ERC1: variants seen among roughly 807,000 people sequenced by gnomAD.
The protein encoded by ERC1 is RAB6 interacting protein 2.
Under a neutral mutation model 132.0 loss-of-function variants are expected in ERC1, and 56 were observed. The ratio of observed to expected loss-of-function variants is 0.42; its 90% confidence interval spans 0.34 to 0.53. The LOEUF is 0.53. Ranked by LOEUF, ERC1 falls within the 20% of genes least tolerant of loss-of-function variation. ERC1 has a pLI of 0.03. For synonymous variants in ERC1, 478 were observed against 476.1 expected, an observed-to-expected ratio of 1.00 and a Z score of -0.05; for missense variants, 1,202 against 1,349.9, an observed-to-expected ratio of 0.89 and a Z score of 1.72.
intron 2 of ERC1, among the ~76,000 whole-genome samples, chr12:1,046,467 A>G (rs2154165369): frequency 6.6e-6 from 1 of 152,346 alleles, no homozygotes; most frequent in Admixed American, 6.5e-5. Context: ...TTCAGTGTGC[A>G]TAAATAAAGT....
chr12:1,382,767 G>A (rs1008280067), intron 16 of ERC1, among the ~76,000 whole-genome samples: 3 of 152,180 alleles, frequency 2.0e-5, no homozygotes, highest in East Asian at 1.9e-4. Flanking sequence ...GAAAACGTGT[G>A]TAAAGATTGT....
At chr12:1,351,333 A>T (rs2084976081) in intron 15 of ERC1, among the ~76,000 whole-genome samples, 1 of 152,240 alleles carries the variant, frequency 6.6e-6, no homozygotes, top group African/African-American at 2.4e-5. Flanking sequence ...AATACTAAGG[A>T]GTGCGATGGC....
At position 1,246,334 on chromosome 12, in the gene ERC1, G is replaced by GA. The variant is rs542973425; in HGVS notation, c.2487+9440dup. ...AAAAAGAAATGAAACGTGAGCAAAA[G>GA]AAAAAAAAAAGATAGTATTTTAATC... On this transcript the variant is annotated intron_variant, in intron 13 of 18. Coordinates refer to ENST00000360905, the MANE Select transcript of ERC1 (RefSeq NM_178040.4). Among the ~76,000 whole-genome samples the GA allele has an allele frequency of 1.5e-3, 216 of 144,360 alleles. 1 individual carries two copies. Among genetic ancestry groups the GA allele is most frequent in the Non-Finnish European group, 1.9e-3 (127 of 65,210 alleles). 94.7% of individuals were successfully genotyped at this position (144,360 alleles called of 152,430 possible).
chr12:1,327,977 T>G (rs549238897), intron 15 of ERC1, among the ~76,000 whole-genome samples: 4 of 152,130 alleles, frequency 2.6e-5, no homozygotes, highest in Non-Finnish European at 5.9e-5. Context: ...TTTTTCAACC[T>G]TTGAGACATA....
chr12:1,157,224 C>T (rs935576751), intron 8 of ERC1, among the ~76,000 whole-genome samples: 7 of 152,176 alleles, frequency 4.6e-5, no homozygotes, highest in Admixed American at 1.3e-4. Context: ...CCACCTCAGA[C>T]TCTCGAGTAG....
chr12:1,072,112 C>A (rs66465472), intron 2 of ERC1, among the ~76,000 whole-genome samples: 32,873 of 147,230 alleles, frequency 0.22, 4,060 homozygotes, highest in Middle Eastern at 0.27. Flanking sequence ...AAAAAAAAAA[C>A]AAAAAAGTGT....
At chr12:1,018,245 A>G (rs1592722019) in intron 1 of ERC1, among the ~76,000 whole-genome samples, 1 of 152,292 alleles carries the variant, frequency 6.6e-6, no homozygotes, top group East Asian at 1.9e-4. Context: ...TCTGTTGCCC[A>G]GGCTGGAGTG....
intron 15 of ERC1, among the ~76,000 whole-genome samples, chr12:1,355,770 G>A (rs1243463752): frequency 6.6e-6 from 1 of 152,178 alleles, no homozygotes; most frequent in Non-Finnish European, 1.5e-5. Context: ...TACGAGGTGG[G>A]CACCAGTGAA....
At chr12:1,204,520 T>A (rs573266714) in intron 12 of ERC1, 1 of 1,591,484 alleles carries the variant, frequency 6.3e-7, no homozygotes, top group Non-Finnish European at 8.5e-7. Flanking sequence ...AAGGTCAGTA[T>A]GCTTGCACTA....
chr12:1,056,042 A>T (rs34782838), intron 2 of ERC1, among the ~76,000 whole-genome samples: 6,047 of 151,244 alleles, frequency 0.04, 204 homozygotes, highest in African/African-American at 0.088. Flanking sequence ...TGGCCTGTGG[A>T]AAACATTAAT....
At chr12:1,135,444 C>T (rs981666426) in intron 7 of ERC1, among the ~76,000 whole-genome samples, 1 of 152,130 alleles carries the variant, frequency 6.6e-6, no homozygotes, top group East Asian at 1.9e-4. Context: ...CTTTACCTAG[C>T]ATTTCTGGGT....
At position 1,254,077 on chromosome 12, in the gene ERC1, A is replaced by C. The variant is rs188212450; in HGVS notation, c.2488-8957A>C. ...AAAGTAGGCTTCAGTTACATAATCC[A>C]ATGGTAGGAAAAATGGTCTGGGTTC... On this transcript the variant is annotated intron_variant, in intron 13 of 18. Coordinates refer to ENST00000360905, the MANE Select transcript of ERC1 (RefSeq NM_178040.4). 7.9e-5 allele frequency among the ~76,000 whole-genome samples: 12 copies of C among 152,338 alleles called. No individual in the cohort carries two copies. In the East Asian group the frequency reaches 2.3e-3, roughly 29 times the overall value.
At chr12:1,200,002 A>G (rs7137058) in intron 12 of ERC1, among the ~76,000 whole-genome samples, 65,971 of 151,430 alleles carry the variant, frequency 0.44, 16,230 homozygotes, top group African/African-American at 0.67. Flanking sequence ...TTATTTGCAC[A>G]TGTGTATGTG....
intron 17 of ERC1, among the ~76,000 whole-genome samples, chr12:1,439,906 G>C (rs1438821153): frequency 6.6e-6 from 1 of 152,156 alleles, no homozygotes; most frequent in East Asian, 1.9e-4. Flanking sequence ...AGGGAGAAAA[G>C]GGAAGAGATA....
intron 18 of ERC1, among the ~76,000 whole-genome samples, chr12:1,477,931 C>G (rs1216140828): frequency 1.3e-5 from 2 of 152,292 alleles, no homozygotes; most frequent in East Asian, 3.9e-4. Context: ...ACATATAGTT[C>G]ATTCATTCTC....
intron 18 of ERC1, among the ~76,000 whole-genome samples, chr12:1,467,634 A>G (rs1463940244): frequency 6.6e-6 from 1 of 152,168 alleles, no homozygotes; most frequent in Non-Finnish European, 1.5e-5. Flanking sequence ...TGGTTTCAGG[A>G]TAATTGAAGC....
chr12:1,034,826 T>C (rs1219890604), intron 2 of ERC1, among the ~76,000 whole-genome samples: 1 of 152,244 alleles, frequency 6.6e-6, no homozygotes, highest in Non-Finnish European at 1.5e-5. Flanking sequence ...AGTATCAGTC[T>C]GCATTCAAAG....
intron 2 of ERC1, among the ~76,000 whole-genome samples, chr12:1,055,853 A>G (rs897973040): frequency 1.3e-5 from 2 of 152,138 alleles, no homozygotes; most frequent in African/African-American, 4.8e-5. Context: ...AGCATTCAGA[A>G]AAGGAGCTGG....
At chr12:1,479,008 C>G (rs2094032425) in intron 18 of ERC1, among the ~76,000 whole-genome samples, 1 of 152,176 alleles carries the variant, frequency 6.6e-6, no homozygotes, top group Non-Finnish European at 1.5e-5. Flanking sequence ...TTGTTAATGG[C>G]ATGAGGTAGA....
Sources: gnomAD v4.1 joint callset for allele counts (sites outside exome capture counted in the v4.1 genomes callset) on GRCh38, gnomAD v4.1.1 for gene constraint, MANE v1.5 for transcripts, NCBI Gene and HGNC (gene_info 2026-07-23, HGNC 2026-07-21) for gene names.